Variants in WWOX observed in about 807,000 individuals in gnomAD.
WWOX encodes the protein WW domain-containing oxidoreductase.
A neutral mutation model predicts 46.2 loss-of-function variants in WWOX; 69 were observed. The ratio of observed to expected loss-of-function variants is 1.49; its 90% CI spans 1.23 to 1.82. The LOEUF is 1.82. Among genes scored for constraint, WWOX ranks in the 40% most tolerant of loss-of-function variants. The pLI is 0.00. For synonymous variants in WWOX, 359 were observed against 202.6 expected (o/e 1.77, Z -6.56); for missense variants, 919 against 542.6 (o/e 1.69, Z -6.89).
chr16:78,701,064 C>T (rs2048206013), intron 8 of WWOX, among the ~76,000 whole-genome samples: 1 of 152,104 alleles, frequency 6.6e-6, no homozygotes, highest in South Asian at 2.1e-4. Context: ...GTTTTTCAAC[C>T]TCTCTGTGCT....
chr16:78,804,317 A>C (rs1209558746), intron 8 of WWOX, among the ~76,000 whole-genome samples: 1 of 152,124 alleles, frequency 6.6e-6, no homozygotes, highest in African/African-American at 2.4e-5. Context: ...GGGCCATTGA[A>C]AACTCATTAC....
intron 8 of WWOX, chr16:78,825,996 C>G (rs1370904244): frequency 2.9e-6 from 2 of 681,036 alleles, no homozygotes; most frequent in South Asian, 2.8e-5. Flanking sequence ...CAGCCAGTCC[C>G]CATAGCATAA....
chr16:78,735,259 C>G (rs1045565335), intron 8 of WWOX, among the ~76,000 whole-genome samples: 5 of 152,060 alleles, frequency 3.3e-5, no homozygotes, highest in African/African-American at 7.2e-5. Flanking sequence ...AACTACACAT[C>G]AGTTCTCCTG....
intron 5 of WWOX, among the ~76,000 whole-genome samples, chr16:78,281,861 G>A (rs2079684821): frequency 6.6e-6 from 1 of 152,148 alleles, no homozygotes; most frequent in African/African-American, 2.4e-5. Flanking sequence ...GCTTAAATAT[G>A]TCATCGAGGT....
intron 8 of WWOX, among the ~76,000 whole-genome samples, chr16:78,820,289 G>A (rs1235237070): frequency 6.6e-6 from 1 of 152,302 alleles, no homozygotes; most frequent in African/African-American, 2.4e-5. Context: ...TCCTTTCCAT[G>A]TGTGACCCAA....
intron 8 of WWOX, among the ~76,000 whole-genome samples, chr16:78,529,552 C>T (rs28633096): frequency 0.046 from 6,954 of 152,040 alleles, 349 homozygotes; most frequent in African/African-American, 0.13. Context: ...CTGCAACCTC[C>T]GCCTCTCGAG....
intron 8 of WWOX, among the ~76,000 whole-genome samples, chr16:79,070,674 C>T (rs969454142): frequency 6.6e-6 from 1 of 152,198 alleles, no homozygotes; most frequent in African/African-American, 2.4e-5. Context: ...GAGATGTCAA[C>T]AATCCAGGAG....
chr16:79,202,523 G>C (rs758004060), intron 8 of WWOX: 1 of 152,240 alleles, frequency 6.6e-6, no homozygotes, highest in Non-Finnish European at 1.5e-5. Flanking sequence ...TGTTGTTCCC[G>C]GGCCTGTGTG....
At chr16:79,080,587 A>C (rs1080511) in intron 8 of WWOX, among the ~76,000 whole-genome samples, 6,695 of 152,264 alleles carry the variant, frequency 0.044, 258 homozygotes, top group African/African-American at 0.099. Flanking sequence ...CTCGAATCCA[A>C]ATTCCTGGAT....
intron 5 of WWOX, among the ~76,000 whole-genome samples, chr16:78,379,471 C>T (rs1477530836): frequency 2.6e-5 from 4 of 152,148 alleles, no homozygotes; most frequent in Non-Finnish European, 4.4e-5. Context: ...ACTGTACCGA[C>T]GTGTTCCTTT....
chr16:78,678,989 C>T (rs1407091483), intron 8 of WWOX, among the ~76,000 whole-genome samples: 2 of 152,166 alleles, frequency 1.3e-5, no homozygotes, highest in Non-Finnish European at 2.9e-5. Context: ...TTTCCTCCCA[C>T]AACCATATTG....
intron 8 of WWOX, among the ~76,000 whole-genome samples, chr16:78,814,995 C>G (rs572755827): frequency 6.6e-6 from 1 of 152,274 alleles, no homozygotes; most frequent in East Asian, 1.9e-4. Flanking sequence ...AGGCTTGCTC[C>G]CTGCAGGGTG....
At chr16:79,122,617 C>A (rs565600577) in intron 8 of WWOX, among the ~76,000 whole-genome samples, 2 of 151,572 alleles carry the variant, frequency 1.3e-5, no homozygotes, top group African/African-American at 4.9e-5. Context: ...CCCATACTCT[C>A]TACTTTTCTT....
chr16:79,116,824 A>G (rs774781581), intron 8 of WWOX, among the ~76,000 whole-genome samples: 3 of 151,876 alleles, frequency 2.0e-5, no homozygotes, highest in Non-Finnish European at 2.9e-5. Context: ...AAGATTTTCA[A>G]TTTACTTAGC....
chr16:78,452,583 C>T lies in WWOX; in HGVS notation c.1056+19831C>T, dbSNP rs79820249. 5.1e-3 allele frequency among the ~76,000 whole-genome samples: 762 copies of T among 148,916 alleles called. 8 individuals are homozygous for T. The highest frequency in any genetic ancestry group is 0.018 in the African/African-American group (726 of 40,234). ...CTCTGACTCCCAGGTTCAAGGGACT[C>T]TCTTGCCTCAGCCTCCCGAGTAGCT... is the stretch of plus-strand genomic sequence containing the variant. On this transcript the variant is annotated intron_variant, in intron 8 of 8. Transcript: ENST00000566780.
intron 8 of WWOX, among the ~76,000 whole-genome samples, chr16:78,706,771 G>C (rs1040294145): frequency 2.0e-5 from 3 of 152,146 alleles, no homozygotes; most frequent in African/African-American, 2.4e-5. Context: ...CTTCCTGACA[G>C]CTACCCTTGC....
At chr16:79,114,170 C>T (rs555357269) in intron 8 of WWOX, among the ~76,000 whole-genome samples, 1 of 152,060 alleles carries the variant, frequency 6.6e-6, no homozygotes, top group Non-Finnish European at 1.5e-5. Flanking sequence ...TTAAGTGCAT[C>T]TATTATGGGT....
At chr16:78,892,977 G>A (rs1002920987) in intron 8 of WWOX, among the ~76,000 whole-genome samples, 14 of 152,142 alleles carry the variant, frequency 9.2e-5, no homozygotes, top group African/African-American at 3.4e-4. Context: ...TAATGCCTTG[G>A]ATTCCTTCCT....
intron 8 of WWOX, among the ~76,000 whole-genome samples, chr16:78,837,923 T>C (rs1218103789): frequency 6.6e-6 from 1 of 152,212 alleles, no homozygotes; most frequent in Non-Finnish European, 1.5e-5. Flanking sequence ...CCCAGGGACC[T>C]ACCTGCTCAA....
Sources: gnomAD v4.1 joint callset for allele counts (sites outside exome capture counted in the v4.1 genomes callset) on GRCh38, gnomAD v4.1.1 for gene constraint, MANE v1.5 for transcripts, NCBI Gene and HGNC (gene_info 2026-07-23, HGNC 2026-07-21) for gene names.